Variants in CDC25C observed in about 807,000 individuals in gnomAD.
The protein encoded by CDC25C is M-phase inducer phosphatase 3.
A neutral mutation model predicts 52.5 loss-of-function variants in CDC25C; 48 were observed. The observed-to-expected ratio is 0.91, with a 90% CI of 0.72 to 1.16. CDC25C has a LOEUF of 1.16. Among genes scored for constraint, CDC25C ranks in the 50% most tolerant of loss-of-function variants. The probability of loss-of-function intolerance (pLI) is 0.00; values close to 1 mark genes in which losing one functional copy is unlikely to be tolerated. For synonymous variants in CDC25C, 187 were observed against 206.5 expected (o/e 0.91, Z 0.81); for missense variants, 510 against 566.1 (o/e 0.90, Z 1.01).
chr5:138,308,722 G>A (rs1439710879), intron 7 of CDC25C, among the ~76,000 whole-genome samples: 1 of 151,930 alleles, frequency 6.6e-6, no homozygotes, highest in Non-Finnish European at 1.5e-5. Flanking sequence ...ACAAACCAAT[G>A]AAATTAAAAA....
chr5:138,291,448 T>C (rs1306774662), intron 8 of CDC25C, among the ~76,000 whole-genome samples: 1 of 151,150 alleles, frequency 6.6e-6, no homozygotes, highest in African/African-American at 2.4e-5. Flanking sequence ...AGACGGAGTC[T>C]TGCTCTGTTG....
chr5:138,330,959 T>C, intron 2 of CDC25C, 28 bp downstream of exon 2: 7 of 1,453,240 alleles, frequency 4.8e-6, no homozygotes, highest in Non-Finnish European at 6.8e-6. Flanking sequence ...GCAAAGGCAA[T>C]ACAGTGTAAA....
chr5:138,289,255 G>C (rs996453675), intron 10 of CDC25C, among the ~76,000 whole-genome samples: 1 of 152,128 alleles, frequency 6.6e-6, no homozygotes, highest in African/African-American at 2.4e-5. Context: ...TTTCAGGCGT[G>C]AGCCACCATG....
chr5:138,310,257 A>G (rs1758340283), intron 7 of CDC25C, among the ~76,000 whole-genome samples: 1 of 152,190 alleles, frequency 6.6e-6, no homozygotes. Flanking sequence ...CTTCCAGGCC[A>G]GAACATTCTT....
At chr5:138,319,719 A>C (rs1364976058) in intron 6 of CDC25C, among the ~76,000 whole-genome samples, 2 of 152,220 alleles carry the variant, frequency 1.3e-5, no homozygotes, top group Admixed American at 1.3e-4. Context: ...AACAATCAAA[A>C]GGGACATGAA....
Position 138,287,160 on chromosome 5 carries a change from T to A in CDC25C, c.1026+9A>T, listed in dbSNP as rs745794518. ...CCCTCCCCTACTAATGGCCACAATGTCGTCTCACCTGGATGTGTCCTCCCA... is the reference window on the plus strand; with the variant it reads ...CCCTCCCCTACTAATGGCCACAATGACGTCTCACCTGGATGTGTCCTCCCA... On this transcript the variant is annotated intron_variant, in intron 11 of 13. Coordinates refer to ENST00000323760, the MANE Select transcript of CDC25C (RefSeq NM_001790.5). The A allele has an allele frequency of 6.3e-7, 1 of 1,597,144 alleles. No homozygotes were observed. The highest frequency in any genetic ancestry group is 8.6e-7 in the Non-Finnish European group (1 of 1,164,644).
intron 10 of CDC25C, among the ~76,000 whole-genome samples, chr5:138,289,208 T>A (rs1756508659): frequency 6.6e-6 from 1 of 152,146 alleles, no homozygotes; most frequent in South Asian, 2.1e-4. Flanking sequence ...CTCAAGTGCC[T>A]GAGATCTGCC....
chr5:138,297,174 G>C (rs1350260230), intron 7 of CDC25C, among the ~76,000 whole-genome samples: 1 of 152,014 alleles, frequency 6.6e-6, no homozygotes, highest in African/African-American at 2.4e-5. Context: ...GCCTGCCAAA[G>C]TGCTGGGATT....
rs1760409685 is a variant in CDC25C, at chr5:138,331,786, ACG to A, written c.-232_-231del. On this transcript the variant is annotated 5_prime_UTR_variant, in exon 1 of 14. Transcript: ENST00000323760. ...CTTCCCTGAGCAGAAGGCCAAAGTT[ACG>A]GCCTCTGAGCAAGAATATCAACAGC... 2.0e-6 allele frequency: 2 copies of A among 983,106 alleles called. No homozygotes were observed. Among genetic ancestry groups the A allele is most frequent in the Non-Finnish European group, 2.4e-6 (2 of 828,390 alleles). 60.9% of individuals were successfully genotyped at this position (983,106 alleles called of 1,614,324 possible).
chr5:138,338,341 C>T, upstream of CDC25C: 1 of 447,792 alleles, frequency 2.2e-6, no homozygotes, highest in African/African-American at 2.1e-5. Context: ...GCTGGGGCCT[C>T]GGGGCGGGCA....
rs1480560800 is a variant in CDC25C, at chr5:138,285,835, A to G, written c.1279T>C (p.Cys427Arg). The G allele has an allele frequency of 6.2e-7, 1 of 1,614,144 alleles. No homozygotes were observed. The highest frequency in any genetic ancestry group is 8.5e-7 in the Non-Finnish European group (1 of 1,180,020). The part of the protein sequence containing the change: ...RDFFPEYMEL[C>R]EPQSYCPMHH... ...ATAGGGCAGTAGCTCTGTGGTTCAC[A>G]CAGTTCCTGAAAGGTAAGGAACAGA... The change falls in exon 14 of 14, where the codon TGT becomes CGT. Residue 427 changes from cysteine to arginine, a missense_variant. Physicochemically the swap from Cys to Arg is radical, Grantham distance 180. Coordinates refer to ENST00000323760, the MANE Select transcript of CDC25C (RefSeq NM_001790.5).
intron 7 of CDC25C, among the ~76,000 whole-genome samples, chr5:138,293,567 G>C (rs892280730): frequency 6.6e-6 from 1 of 151,770 alleles, no homozygotes; most frequent in African/African-American, 2.4e-5. Context: ...TTCAAAAGGG[G>C]CTTCTCTAGA....
In CDC25C at chr5:138,287,357, G is replaced by C. The variant is rs530402073; in HGVS notation, c.928-90C>G. 13 of 853,512 alleles carry C rather than the reference G, an allele frequency of 1.5e-5. No individual in the cohort carries two copies. The South Asian group carries it at 1.7e-4, about 11-fold the overall frequency. 52.9% of individuals were successfully genotyped at this position (853,512 alleles called of 1,614,324 possible). ...CACAGTTCCTTACAAGCATACTCCT[G>C]TTCTGTCCACTGTATGTCCAGCCTC... On this transcript the variant is annotated intron_variant, in intron 10 of 13. Coordinates refer to ENST00000323760, the MANE Select transcript of CDC25C (RefSeq NM_001790.5).
chr5:138,313,379 CAAAAAAAAAAA>C (rs774904685), intron 7 of CDC25C, among the ~76,000 whole-genome samples: 4 of 37,074 alleles, frequency 1.1e-4, no homozygotes, highest in Non-Finnish European at 1.7e-4. Context: ...CTATATCTCA[CAAAAAAAAAAA>C]AAAAAAAAAA....
rs1756186384 is a variant in CDC25C, at chr5:138,286,026, T to A, written c.1268A>T (p.Tyr423Phe). 6.2e-7 allele frequency: 1 copy of A among 1,610,738 alleles called. No individual in the cohort carries two copies. Among genetic ancestry groups the A allele is most frequent in the African/African-American group, 1.3e-5 (1 of 74,982 alleles). ...KGGYRDFFPE[Y>F]MELCEPQSYC... is the part of the protein sequence containing the mutation. The stretch of plus-strand genomic sequence containing the variant: ...CCCGCATGCCCCACCCTTTACCATA[T>A]ATTCTGGAAAGAAGTCTCTGTAGCC... Residue 423 changes from tyrosine (Y) to phenylalanine (F), a missense_variant, in exon 13 of 14, where the codon TAT becomes TTT. By Grantham distance (22) the Tyr-to-Phe change is conservative. Transcript: ENST00000323760.
upstream of CDC25C, among the ~76,000 whole-genome samples, chr5:138,333,061 G>C (rs1024655582): frequency 6.6e-6 from 1 of 152,152 alleles, no homozygotes; most frequent in Non-Finnish European, 1.5e-5. Context: ...TGCGGCCCAA[G>C]ATTCTGCCCT....
chr5:138,312,979 T>C (rs1042001465), intron 7 of CDC25C, among the ~76,000 whole-genome samples: 3 of 152,036 alleles, frequency 2.0e-5, no homozygotes, highest in African/African-American at 7.2e-5. Context: ...TCCATTTATA[T>C]GAGGTACCTA....
chr5:138,292,249 A>G (rs1756795891), intron 7 of CDC25C, 133 bp from the exon 8 acceptor site: 1 of 618,968 alleles, frequency 1.6e-6, no homozygotes. Flanking sequence ...AACCTACTGA[A>G]TTAAAATCTG....
intron 7 of CDC25C, among the ~76,000 whole-genome samples, chr5:138,314,991 G>A (rs994989553): frequency 5.6e-5 from 8 of 143,910 alleles, no homozygotes; most frequent in Non-Finnish European, 9.0e-5. Flanking sequence ...ACAGCGGTGC[G>A]ATCTCGGCTC....
Sources: gnomAD v4.1 joint callset for allele counts (sites outside exome capture counted in the v4.1 genomes callset) on GRCh38, gnomAD v4.1.1 for gene constraint, MANE v1.5 for transcripts, NCBI Gene and HGNC (gene_info 2026-07-23, HGNC 2026-07-21) for gene names.